WWOX: variants seen among roughly 807,000 people sequenced by gnomAD.
WWOX encodes WW domain containing oxidoreductase.
WWOX carries 69 observed loss-of-function variants against 46.2 expected under a neutral mutation model. The observed-to-expected ratio is 1.49, with a 90% CI of 1.23 to 1.82. WWOX has a LOEUF of 1.82. WWOX is among the 40% of genes most tolerant of loss of function. The pLI is 0.00. For missense variants in WWOX, 919 were observed against 542.6 expected (o/e 1.69, Z -6.89); for synonymous variants, 359 against 202.6 (o/e 1.77, Z -6.56).
intron 8 of WWOX, among the ~76,000 whole-genome samples, chr16:79,207,281 C>T (rs1329065426): frequency 3.3e-5 from 5 of 152,242 alleles, no homozygotes; most frequent in African/African-American, 1.2e-4. Flanking sequence ...CTTTGTCCAA[C>T]AGACACCAGA....
At chr16:79,206,252 G>A (rs2051505811) in intron 8 of WWOX, 1 of 152,272 alleles carries the variant, frequency 6.6e-6, no homozygotes, top group African/African-American at 2.4e-5. Context: ...CGGCAGAGCA[G>A]GCAGAGAGGC....
intron 8 of WWOX, among the ~76,000 whole-genome samples, chr16:79,141,199 C>G (rs560620376): frequency 1.4e-4 from 21 of 152,342 alleles, no homozygotes; most frequent in African/African-American, 4.6e-4. Flanking sequence ...AAACATTTGT[C>G]TCTTATCTAC....
chr16:78,746,884 A>T (rs1392636817), intron 8 of WWOX, among the ~76,000 whole-genome samples: 3 of 152,132 alleles, frequency 2.0e-5, no homozygotes, highest in Non-Finnish European at 2.9e-5. Flanking sequence ...GTTGTTTGTT[A>T]TGCGGCAGTA....
At chr16:78,479,124 A>G (rs988575052) in intron 8 of WWOX, among the ~76,000 whole-genome samples, 3 of 152,192 alleles carry the variant, frequency 2.0e-5, no homozygotes, top group Non-Finnish European at 2.9e-5. Context: ...AGGAAAAAAA[A>G]ATAAACATAC....
intron 8 of WWOX, among the ~76,000 whole-genome samples, chr16:79,107,760 C>G (rs1408222486): frequency 6.6e-6 from 1 of 152,176 alleles, no homozygotes; most frequent in Non-Finnish European, 1.5e-5. Flanking sequence ...CCAAGGAAAT[C>G]ATTAGGTGCT....
chr16:78,311,066 C>A (rs1035763999), intron 5 of WWOX, among the ~76,000 whole-genome samples: 2 of 152,102 alleles, frequency 1.3e-5, no homozygotes, highest in Non-Finnish European at 2.9e-5. Context: ...GAATAGTCTC[C>A]CAGAAGCTAT....
chr16:78,384,375 T>C (rs1025922673), intron 5 of WWOX, among the ~76,000 whole-genome samples: 6 of 152,170 alleles, frequency 3.9e-5, no homozygotes, highest in African/African-American at 1.4e-4. Flanking sequence ...TGTCAGGTAG[T>C]TGTGTTTATG....
intron 8 of WWOX, among the ~76,000 whole-genome samples, chr16:78,650,829 G>C (rs551027577): frequency 5.3e-5 from 8 of 151,942 alleles, no homozygotes; most frequent in Non-Finnish European, 1.2e-4. Flanking sequence ...ATTTTTGCCA[G>C]CCAGCCACGC....
chr16:78,751,011 A>C (rs1015691583), intron 8 of WWOX, among the ~76,000 whole-genome samples: 12 of 152,158 alleles, frequency 7.9e-5, no homozygotes, highest in Admixed American at 3.3e-4. Flanking sequence ...TATACCCACT[A>C]ATAAGATTGC....
At chr16:78,970,500 A>G (rs1039478625) in intron 8 of WWOX, among the ~76,000 whole-genome samples, 2 of 152,116 alleles carry the variant, frequency 1.3e-5, no homozygotes, top group African/African-American at 2.4e-5. Flanking sequence ...ACCAGGGGAG[A>G]CTCGACCCAA....
At chr16:78,789,778 A>C (rs1027587944) in intron 8 of WWOX, among the ~76,000 whole-genome samples, 4 of 152,174 alleles carry the variant, frequency 2.6e-5, no homozygotes, top group African/African-American at 9.7e-5. Flanking sequence ...ATGACATACA[A>C]CTTGCAGGAA....
At chr16:78,977,174 A>C (rs4888899) in intron 8 of WWOX, among the ~76,000 whole-genome samples, 1 of 151,926 alleles carries the variant, frequency 6.6e-6, no homozygotes, top group African/African-American at 2.4e-5. Context: ...CATTCACTCA[A>C]GTGTTTGTTT....
chr16:78,661,535 C>T (rs908423146), intron 8 of WWOX, among the ~76,000 whole-genome samples: 1 of 152,076 alleles, frequency 6.6e-6, no homozygotes, highest in Admixed American at 6.5e-5. Flanking sequence ...TTAGCTTTCA[C>T]CGCGGCATCT....
intron 5 of WWOX, chr16:78,264,467 A>G (rs1384202741): frequency 2.0e-5 from 3 of 152,108 alleles, no homozygotes; most frequent in South Asian, 2.1e-4. Flanking sequence ...TTCTTTTTTA[A>G]GAGAGAAGGA....
intron 8 of WWOX, among the ~76,000 whole-genome samples, chr16:78,963,858 G>T (rs1353767409): frequency 6.6e-6 from 1 of 152,134 alleles, no homozygotes; most frequent in Admixed American, 6.5e-5. Context: ...GTTGTGGGAG[G>T]GACCCAGGGA....
chr16:78,853,389 T>C (rs1207426977), intron 8 of WWOX, among the ~76,000 whole-genome samples: 1 of 152,162 alleles, frequency 6.6e-6, no homozygotes, highest in Non-Finnish European at 1.5e-5. Flanking sequence ...ATTTTTGTAT[T>C]TTTAGTAGAG....
At chr16:78,215,342 A>C (rs2036685974) in intron 5 of WWOX, among the ~76,000 whole-genome samples, 1 of 152,200 alleles carries the variant, frequency 6.6e-6, no homozygotes, top group African/African-American at 2.4e-5. Flanking sequence ...CCTACGTGCC[A>C]GGTAGGGACC....
At chr16:79,018,130 T>C (rs988613059) in intron 8 of WWOX, among the ~76,000 whole-genome samples, 3 of 152,166 alleles carry the variant, frequency 2.0e-5, no homozygotes, top group African/African-American at 7.2e-5. Context: ...AGAGGTATCA[T>C]GGCCTTCAAG....
chr16:78,251,253 G>C (rs554018326), intron 5 of WWOX, among the ~76,000 whole-genome samples: 12 of 152,262 alleles, frequency 7.9e-5, no homozygotes, highest in African/African-American at 2.9e-4. Flanking sequence ...TTCAAAGGTC[G>C]TATTTCATGG....
Sources: allele counts gnomAD v4.1 joint callset (sites outside exome capture counted in the v4.1 genomes callset), GRCh38; gene constraint gnomAD v4.1.1; transcripts MANE v1.5; gene names NCBI Gene and HGNC (gene_info 2026-07-23, HGNC 2026-07-21).